GALNT17: variants seen among roughly 807,000 people sequenced by gnomAD.
The protein encoded by GALNT17 is polypeptide N-acetylgalactosaminyltransferase 17.
A neutral mutation model predicts 63.7 loss-of-function variants in GALNT17; 29 were observed. That is an observed-to-expected ratio of 0.46 (90% CI 0.34 to 0.62). GALNT17 has a LOEUF of 0.62. GALNT17 is among the 20% of genes least tolerant of loss of function. The probability of loss-of-function intolerance (pLI) is 0.01; values close to 1 mark genes in which losing one functional copy is unlikely to be tolerated. For synonymous variants in GALNT17, 305 were observed against 318.3 expected, an observed-to-expected ratio of 0.96 and a Z score of 0.45; for missense variants, 603 against 799.6, an observed-to-expected ratio of 0.75 and a Z score of 2.97.
At chr7:71,194,802 C>T (rs1429482768) in intron 1 of GALNT17, among the ~76,000 whole-genome samples, 1 of 152,162 alleles carries the variant, frequency 6.6e-6, no homozygotes, top group Non-Finnish European at 1.5e-5. Flanking sequence ...AGCATGCTAC[C>T]TTGGTGGAGT....
chr7:71,245,277 G>C lies in GALNT17; in HGVS notation c.239-90273G>C, dbSNP rs999175924. 1.2e-4 allele frequency among the ~76,000 whole-genome samples: 18 copies of C among 152,278 alleles called. 2 individuals carry two copies. The highest frequency in any genetic ancestry group is 9.8e-4 in the Admixed American group (15 of 15,306). ...GATCTATACCAAGTGGGAAGATTCT[G>C]TGGGGGCCGTGCTAAGAGAGTGTGC... On this transcript the variant is annotated intron_variant, in intron 1 of 10. Transcript: ENST00000333538.
intron 9 of GALNT17, among the ~76,000 whole-genome samples, chr7:71,699,698 C>G (rs997191049): frequency 6.6e-6 from 1 of 152,136 alleles, no homozygotes; most frequent in East Asian, 1.9e-4. Context: ...CTTTGAGATG[C>G]TGAAATGGGA....
intron 1 of GALNT17, among the ~76,000 whole-genome samples, chr7:71,153,670 A>G (rs1039265239): frequency 6.6e-6 from 1 of 152,160 alleles, no homozygotes; most frequent in Non-Finnish European, 1.5e-5. Context: ...TAATTCCAGC[A>G]CTGTGGGAGG....
In GALNT17 at chr7:71,687,415, G is replaced by A. The variant is rs144350161; in HGVS notation, c.1500+10109G>A. Among the ~76,000 whole-genome samples, 77 of 152,284 alleles carry A rather than the reference G, an allele frequency of 5.1e-4. 1 individual carries two copies. The highest frequency in any genetic ancestry group is 3.4e-3 in the Middle Eastern group (1 of 294). The stretch of plus-strand genomic sequence containing the variant: ...CATGTAGGAGGCACCCCTGGTCGTC[G>A]TCGGAAAACACAGAAGTGAGTGACA... On this transcript the variant is annotated intron_variant, in intron 9 of 10. Transcript: ENST00000333538.
chr7:71,570,344 C>G (rs1056553232), intron 5 of GALNT17, among the ~76,000 whole-genome samples: 2 of 152,158 alleles, frequency 1.3e-5, no homozygotes, highest in Non-Finnish European at 2.9e-5. Context: ...TGTGTTTCCT[C>G]CCTGAGTCTT....
At chr7:71,259,876 C>T (rs989898190) in intron 1 of GALNT17, among the ~76,000 whole-genome samples, 21 of 151,834 alleles carry the variant, frequency 1.4e-4, no homozygotes, top group Non-Finnish European at 2.1e-4. Flanking sequence ...CTCCTGACCT[C>T]GTGATCCACC....
intron 6 of GALNT17, among the ~76,000 whole-genome samples, chr7:71,601,844 G>T (rs1426154449): frequency 6.6e-6 from 1 of 152,206 alleles, no homozygotes; most frequent in East Asian, 1.9e-4. Flanking sequence ...CAAGAGGGAA[G>T]AAGGAGGCAG....
intron 6 of GALNT17, among the ~76,000 whole-genome samples, chr7:71,591,543 G>A (rs542368763): frequency 1.3e-5 from 2 of 152,192 alleles, no homozygotes; most frequent in South Asian, 2.1e-4. Flanking sequence ...GAAATTAGTC[G>A]CATGTCTGGG....
chr7:71,669,939 C>T, intron 7 of GALNT17, 33 bp from the exon 8 acceptor site: 2 of 1,612,654 alleles, frequency 1.2e-6, no homozygotes, highest in Non-Finnish European at 1.7e-6. Context: ...GCTCCACAGT[C>T]ACTAACACCC....
chr7:71,454,888 A>G (rs989404819), intron 5 of GALNT17, among the ~76,000 whole-genome samples: 3 of 152,182 alleles, frequency 2.0e-5, no homozygotes, highest in African/African-American at 7.2e-5. Context: ...ATCCTGGGCC[A>G]GGCATGATGG....
intron 5 of GALNT17, among the ~76,000 whole-genome samples, chr7:71,550,780 T>C (rs1789063709): frequency 1.3e-5 from 2 of 152,214 alleles, no homozygotes; most frequent in African/African-American, 2.4e-5. Context: ...TTGATATAAA[T>C]TTAGAAGATT....
intron 3 of GALNT17, among the ~76,000 whole-genome samples, chr7:71,402,687 C>A (rs1040629897): frequency 1.3e-5 from 2 of 152,144 alleles, no homozygotes; most frequent in African/African-American, 4.8e-5. Context: ...AGCAAGATGG[C>A]TGAAAACTTT....
At chr7:71,267,081 G>A (rs904386266) in intron 1 of GALNT17, among the ~76,000 whole-genome samples, 2 of 152,166 alleles carry the variant, frequency 1.3e-5, no homozygotes, top group African/African-American at 2.4e-5. Flanking sequence ...GCCCATCCCC[G>A]AAGCAACGTG....
chr7:71,393,616 T>G (rs1381763251), intron 3 of GALNT17, among the ~76,000 whole-genome samples: 1 of 152,098 alleles, frequency 6.6e-6, no homozygotes, highest in African/African-American at 2.4e-5. Flanking sequence ...TGATCTATTC[T>G]CAGACTCACT....
At chr7:71,674,344 C>CT (rs34467330) in intron 8 of GALNT17, among the ~76,000 whole-genome samples, 9,840 of 113,910 alleles carry the variant, frequency 0.086, 474 homozygotes, top group African/African-American at 0.23. Context: ...ATAGCTCTTC[C>CT]TTTTTAAAAA....
chr7:71,276,404 T>C (rs1367605051), intron 1 of GALNT17, among the ~76,000 whole-genome samples: 2 of 152,202 alleles, frequency 1.3e-5, no homozygotes, highest in East Asian at 1.9e-4. Flanking sequence ...AGGAATGATA[T>C]GGTTTGGCTC....
At chr7:71,624,281 G>A (rs1170463132) in intron 6 of GALNT17, among the ~76,000 whole-genome samples, 1 of 152,192 alleles carries the variant, frequency 6.6e-6, no homozygotes, top group Non-Finnish European at 1.5e-5. Context: ...CCAGGGCCTA[G>A]GATCTGAAAA....
chr7:71,451,594 G>A (rs1787264000), intron 5 of GALNT17, among the ~76,000 whole-genome samples: 2 of 151,412 alleles, frequency 1.3e-5, no homozygotes, highest in South Asian at 4.2e-4. Flanking sequence ...TTTTCTCCTT[G>A]GTCTGCTTGC....
At chr7:71,180,229 G>A (rs763346018) in intron 1 of GALNT17, among the ~76,000 whole-genome samples, 1 of 151,848 alleles carries the variant, frequency 6.6e-6, no homozygotes, top group Non-Finnish European at 1.5e-5. Context: ...GGGTTCAGTC[G>A]ATTCTCCTGC....
Sources: gnomAD v4.1 joint callset for allele counts (sites outside exome capture counted in the v4.1 genomes callset) on GRCh38, gnomAD v4.1.1 for gene constraint, MANE v1.5 for transcripts, NCBI Gene and HGNC (gene_info 2026-07-23, HGNC 2026-07-21) for gene names.